Variants in CYFIP2 observed in about 807,000 individuals in gnomAD.
CYFIP2 encodes the protein cytoplasmic FMR1 interacting protein 2.
A neutral mutation model predicts 158.7 loss-of-function variants in CYFIP2; 29 were observed. The observed-to-expected ratio is 0.18, with a 90% CI of 0.14 to 0.25. The LOEUF is 0.25. CYFIP2 is among the 10% of genes least tolerant of loss of function. The pLI is 1.00. For missense variants in CYFIP2, 852 were observed against 1,639.5 expected, an observed-to-expected ratio of 0.52 and a Z score of 8.29; for synonymous variants, 585 against 617.6, an observed-to-expected ratio of 0.95 and a Z score of 0.78.
At chr5:157,367,442 G>A (rs1030495469) in intron 26 of CYFIP2, among the ~76,000 whole-genome samples, 1 of 152,144 alleles carries the variant, frequency 6.6e-6, no homozygotes, top group East Asian at 1.9e-4. Context: ...GCCCAAGAGG[G>A]AGCTGATTTT....
intron 9 of CYFIP2, among the ~76,000 whole-genome samples, chr5:157,308,730 A>G (rs394730): frequency 0.65 from 97,847 of 151,502 alleles, 33,209 homozygotes; most frequent in Admixed American, 0.79. Flanking sequence ...CTTGTTTTCA[A>G]GGGTGGAACT....
chr5:157,342,739 T>G, intron 23 of CYFIP2: 6 of 979,368 alleles, frequency 6.1e-6, no homozygotes, highest in Non-Finnish European at 7.3e-6. Context: ...CCAACCCAGG[T>G]GACCTACAAT....
rs1044484972 is a variant in CYFIP2, at chr5:157,311,245, C to A, written c.993-419C>A. The A allele has an allele frequency of 1.1e-5, 4 of 375,680 alleles. No homozygotes were observed. The highest frequency in any genetic ancestry group is 2.1e-5 in the Non-Finnish European group (4 of 189,970). The allele number at this position is 375,680 out of a possible 1,614,324, so 23.3% of individuals were successfully genotyped here. On this transcript the variant is annotated intron_variant, in intron 10 of 30. Transcript: ENST00000620254. The surrounding 1 kb of genome is among the most constrained non-coding windows in gnomAD (Gnocchi z 4.7). ...ATTTCCGCAATCCCAGCCCAAAGGC[C>A]CCCCAAAGCCAGCTTCAACCGCAGA...
intron 26 of CYFIP2, among the ~76,000 whole-genome samples, chr5:157,369,878 A>AGTTTTG (rs376008503): frequency 1.4e-5 from 1 of 69,394 alleles, no homozygotes; most frequent in Non-Finnish European, 3.6e-5. Context: ...GAATGGACCT[A>AGTTTTG]GTTTTTTTTT....
chr5:157,320,869 A>G, intron 15 of CYFIP2, 67 bp downstream of exon 15: 2 of 1,450,192 alleles, frequency 1.4e-6, no homozygotes, highest in East Asian at 2.6e-5. Context: ...GTAGATCATC[A>G]TGGCTGGCCA....
At chr5:157,368,252 T>C (rs1764615332) in intron 26 of CYFIP2, among the ~76,000 whole-genome samples, 1 of 152,208 alleles carries the variant, frequency 6.6e-6, no homozygotes, top group African/African-American at 2.4e-5. Flanking sequence ...ATTGTTTAGA[T>C]TTATTGCACT....
chr5:157,359,730 G>A (rs1262733209), intron 24 of CYFIP2, among the ~76,000 whole-genome samples: 1 of 152,196 alleles, frequency 6.6e-6, no homozygotes, highest in Admixed American at 6.5e-5. Flanking sequence ...CATTTAAGAT[G>A]TTTATGAAAA....
In CYFIP2 at chr5:157,297,358, A is replaced by T. The variant is rs552195078; in HGVS notation, c.387+584A>T. On this transcript the variant is annotated intron_variant, in intron 5 of 30. Transcript: ENST00000620254. ...TTGGAGGCAGAGAAGCCCAAGTCAC[A>T]TCCCTGGCCCTTTCACTCTCTAACT... 3.9e-5 allele frequency among the ~76,000 whole-genome samples: 6 copies of T among 152,366 alleles called. No individual in the cohort carries two copies. In the South Asian group the frequency reaches 1.2e-3, roughly 32 times the overall value.
At chr5:157,288,574 G>A (rs963659486) in intron 3 of CYFIP2, 14 of 455,770 alleles carry the variant, frequency 3.1e-5, no homozygotes, top group Non-Finnish European at 6.2e-5. Flanking sequence ...GTGGGAAATA[G>A]ATAAGCTTAC....
At chr5:157,330,198 A>G (rs1337807565) in intron 19 of CYFIP2, among the ~76,000 whole-genome samples, 4 of 151,930 alleles carry the variant, frequency 2.6e-5, no homozygotes, top group Non-Finnish European at 5.9e-5. Context: ...AGTGTGAAAG[A>G]TAGTAACACT....
chr5:157,364,192 G>T (rs1025267339), intron 26 of CYFIP2: 2 of 86,280 alleles, frequency 2.3e-5, no homozygotes, highest in African/African-American at 1.3e-4. Context: ...CAGTGGAGGT[G>T]GGGCGGGGTG....
chr5:157,390,566 T>C lies in CYFIP2; in HGVS notation c.3492T>C (p.Ile1164=), dbSNP rs1188605268. Residue 1164 remains isoleucine, a synonymous_variant, in exon 30 of 31, where the codon ATT becomes ATC. Transcript: ENST00000620254. The part of the protein sequence containing the change: ...DGLNWAGCSI[I]VLLGQQRRFD... The stretch of plus-strand genomic sequence containing the variant: ...TGAACTGGGCTGGTTGCTCCATCAT[T>C]GTCCTGCTGGGCCAGCAGCGTCGCT... 5.8e-6 allele frequency: 9 copies of C among 1,554,030 alleles called. No homozygotes were observed. Among genetic ancestry groups the C allele is most frequent in the Non-Finnish European group, 7.8e-6 (9 of 1,148,406 alleles).
intron 10 of CYFIP2, 25 bp downstream of exon 10, chr5:157,309,859 C>T (rs762243301): frequency 1.7e-5 from 26 of 1,563,978 alleles, no homozygotes; most frequent in African/African-American, 1.5e-4. Context: ...TAATGTCTCT[C>T]GGCTCCCGCA....
At chr5:157,379,487 C>CAA (rs35238882) in intron 26 of CYFIP2, among the ~76,000 whole-genome samples, 30 of 149,604 alleles carry the variant, frequency 2.0e-4, no homozygotes, top group African/African-American at 6.1e-4. Flanking sequence ...AAACTTCCAA[C>CAA]AAAAAAAAAC....
intron 23 of CYFIP2, chr5:157,342,845 C>T (rs768502943): frequency 1.3e-5 from 21 of 1,595,486 alleles, no homozygotes; most frequent in South Asian, 3.4e-5. Flanking sequence ...ATGATGCGGG[C>T]GCTCTCCTCC....
chr5:157,272,550 G>A (rs1331603298), intron 1 of CYFIP2, among the ~76,000 whole-genome samples: 2 of 152,154 alleles, frequency 1.3e-5, no homozygotes. Flanking sequence ...TCTTCTAGTA[G>A]CTGCCTCCAG....
chr5:157,314,995 A>G lies in CYFIP2; in HGVS notation c.1257A>G (p.Thr419=). The change falls in exon 13 of 31, where the codon ACA becomes ACG. Residue 419 remains threonine (T), a synonymous_variant. Coordinates refer to ENST00000620254, the MANE Select transcript of CYFIP2 (RefSeq NM_001037333.3). ...ACTCTTGGAAGCTGGTTCATCCCAC[A>G]GACAAGTTCTGCAACAAGGACTGTC... is the stretch of plus-strand genomic sequence containing the variant. ...EVYSWKLVHP[T]DKFCNKDCPG... 6.3e-7 allele frequency: 1 copy of G among 1,586,958 alleles called. No homozygotes were observed. The highest frequency in any genetic ancestry group is 8.6e-7 in the Non-Finnish European group (1 of 1,166,198).
chr5:157,324,916 C>G (rs1300338793), intron 16 of CYFIP2: 1 of 152,196 alleles, frequency 6.6e-6, no homozygotes, highest in Non-Finnish European at 1.5e-5. Context: ...AAGAATCCTT[C>G]TGCTTCAGCC....
intron 23 of CYFIP2, among the ~76,000 whole-genome samples, chr5:157,355,734 T>C (rs1268552803): frequency 6.6e-6 from 1 of 152,204 alleles, no homozygotes; most frequent in Non-Finnish European, 1.5e-5. Flanking sequence ...TTCTGAAATA[T>C]TTGAAAAGGG....
Sources: gnomAD v4.1 joint callset for allele counts (sites outside exome capture counted in the v4.1 genomes callset) on GRCh38, gnomAD v4.1.1 for gene constraint, Gnocchi (gnomAD v3.1) non-coding constraint, MANE v1.5 for transcripts, NCBI Gene and HGNC (gene_info 2026-07-23, HGNC 2026-07-21) for gene names.